ENPP6: variants seen among roughly 807,000 people sequenced by gnomAD.
The protein encoded by ENPP6 is ectonucleotide pyrophosphatase/phosphodiesterase 6.
A neutral mutation model predicts 42.0 loss-of-function variants in ENPP6; 32 were observed. The ratio of observed to expected loss-of-function variants is 0.76; its 90% CI spans 0.58 to 1.02. ENPP6 has a LOEUF of 1.02. Among genes scored for constraint, ENPP6 ranks in the 50% least tolerant of loss-of-function variants. ENPP6 has a pLI of 0.00. For synonymous variants in ENPP6, 213 were observed against 216.0 expected (o/e 0.99, Z 0.12); for missense variants, 552 against 566.8 (o/e 0.97, Z 0.27).
Position 184,110,271 on chromosome 4 carries a change from C to T in ENPP6, c.993+2401G>A, listed in dbSNP as rs78907915. Among the ~76,000 whole-genome samples the T allele has an allele frequency of 0.012, 1,765 of 152,252 alleles. 79 individuals carry two copies. In the East Asian group the frequency reaches 0.15, roughly 13 times the overall value. On this transcript the variant is annotated intron_variant, in intron 6 of 7. Coordinates refer to ENST00000296741, the MANE Select transcript of ENPP6 (RefSeq NM_153343.4). The stretch of plus-strand genomic sequence containing the variant: ...GATTGGGACCCCCTGGTCTGCACTT[C>T]AGCACAACTTCAGATCTCAGAACCA...
intron 1 of ENPP6, among the ~76,000 whole-genome samples, chr4:184,157,339 A>G (rs979915025): frequency 3.3e-5 from 5 of 152,206 alleles, no homozygotes; most frequent in Admixed American, 2.6e-4. Flanking sequence ...CGTCTATCAC[A>G]GTGGTTCCTC....
chr4:184,215,441 T>C (rs1733181841), intron 1 of ENPP6, among the ~76,000 whole-genome samples: 1 of 152,136 alleles, frequency 6.6e-6, no homozygotes. Context: ...AAAATAAGTA[T>C]GGGTATTGGG....
intron 2 of ENPP6, among the ~76,000 whole-genome samples, chr4:184,136,943 C>T (rs920962736): frequency 2.6e-5 from 4 of 152,190 alleles, no homozygotes; most frequent in Admixed American, 6.5e-5. Flanking sequence ...CACTATATCC[C>T]GCATGTCTCT....
chr4:184,107,100 G>T (rs377048260), intron 6 of ENPP6, among the ~76,000 whole-genome samples: 35 of 152,268 alleles, frequency 2.3e-4, no homozygotes, highest in African/African-American at 7.7e-4. Context: ...GAGTGGCAGG[G>T]TGACCCACTG....
intron 1 of ENPP6, among the ~76,000 whole-genome samples, chr4:184,157,607 T>A (rs2111081372): frequency 6.7e-6 from 1 of 150,152 alleles, no homozygotes; most frequent in South Asian, 2.1e-4. Context: ...CTTTCCTTCC[T>A]TTTCTCTCTC....
chr4:184,131,520 AT>A (rs58927070), intron 2 of ENPP6, among the ~76,000 whole-genome samples: 85,523 of 136,588 alleles, frequency 0.63, 26,528 homozygotes, highest in Non-Finnish European at 0.67. Flanking sequence ...TGCCCAGCTA[AT>A]TTTTTTTTTT....
chr4:184,106,192 G>A (rs1440009741), intron 6 of ENPP6, among the ~76,000 whole-genome samples: 1 of 152,082 alleles, frequency 6.6e-6, no homozygotes, highest in African/African-American at 2.4e-5. Context: ...ATACCACCAT[G>A]CCCGGTTAAT....
intron 7 of ENPP6, among the ~76,000 whole-genome samples, chr4:184,093,888 A>G (rs956940446): frequency 5.3e-5 from 8 of 152,114 alleles, no homozygotes; most frequent in Non-Finnish European, 8.8e-5. Flanking sequence ...GGATGTGATA[A>G]TTCTACTGCC....
chr4:184,140,466 A>AT (rs1251455945), intron 2 of ENPP6, among the ~76,000 whole-genome samples: 1 of 151,198 alleles, frequency 6.6e-6, no homozygotes, highest in Non-Finnish European at 1.5e-5. Context: ...AGCTGGAGGC[A>AT]TCACACTACC....
chr4:184,131,796 A>AACACACACACACAC (rs140275578), intron 2 of ENPP6, among the ~76,000 whole-genome samples: 129 of 140,656 alleles, frequency 9.2e-4, no homozygotes, highest in South Asian at 2.6e-3. Context: ...GGACCAATAG[A>AACACACACACACAC]ACACACACAC....
chr4:184,193,956 T>C (rs1279794048), intron 1 of ENPP6, among the ~76,000 whole-genome samples: 1 of 152,222 alleles, frequency 6.6e-6, no homozygotes, highest in Non-Finnish European at 1.5e-5. Context: ...TTGCCTTTCC[T>C]TGATTGCTTT....
intron 1 of ENPP6, among the ~76,000 whole-genome samples, chr4:184,198,299 C>G (rs577065929): frequency 3.2e-4 from 49 of 152,336 alleles, no homozygotes; most frequent in African/African-American, 1.0e-3. Flanking sequence ...CACTGGTCCC[C>G]AACGTGGAGA....
chr4:184,091,484 G>C, intron 7 of ENPP6, 102 bp from the exon 8 acceptor site: 1 of 1,087,624 alleles, frequency 9.2e-7, no homozygotes, highest in Non-Finnish European at 1.3e-6. Flanking sequence ...AGGTGACATT[G>C]AGATTAGGGA....
intron 2 of ENPP6, among the ~76,000 whole-genome samples, chr4:184,136,376 G>A (rs953982874): frequency 1.3e-5 from 2 of 151,712 alleles, no homozygotes; most frequent in African/African-American, 2.4e-5. Flanking sequence ...TCCAAAAAAG[G>A]GATTTTTAGT....
intron 6 of ENPP6, among the ~76,000 whole-genome samples, chr4:184,108,618 G>A (rs1039154517): frequency 1.3e-5 from 2 of 152,220 alleles, no homozygotes; most frequent in African/African-American, 4.8e-5. Context: ...TTATATTAAA[G>A]TAGAATCAGA....
chr4:184,133,804 A>T (rs1042265410), intron 2 of ENPP6, among the ~76,000 whole-genome samples: 8 of 151,510 alleles, frequency 5.3e-5, no homozygotes, highest in Non-Finnish European at 1.0e-4. Flanking sequence ...ATTGCTTTTC[A>T]TGTATCTACT....
chr4:184,188,264 G>T (rs192513724), intron 1 of ENPP6, among the ~76,000 whole-genome samples: 2 of 152,122 alleles, frequency 1.3e-5, no homozygotes, highest in South Asian at 4.1e-4. Context: ...TTTCCCAGTC[G>T]TTTCTCTTTA....
chr4:184,100,895 G>A (rs1170386612), intron 6 of ENPP6, among the ~76,000 whole-genome samples: 2 of 152,222 alleles, frequency 1.3e-5, no homozygotes, highest in Non-Finnish European at 2.9e-5. Flanking sequence ...CGGGGCCACA[G>A]AGGTGGAGGG....
At chr4:184,201,985 A>G (rs12647212) in intron 1 of ENPP6, among the ~76,000 whole-genome samples, 68,864 of 151,978 alleles carry the variant, frequency 0.45, 16,515 homozygotes, top group East Asian at 0.76. Flanking sequence ...AATATTCTCT[A>G]CCAGCTGGGT....
Sources: gnomAD v4.1 joint callset for allele counts (sites outside exome capture counted in the v4.1 genomes callset) on GRCh38, gnomAD v4.1.1 for gene constraint, MANE v1.5 for transcripts, NCBI Gene and HGNC (gene_info 2026-07-23, HGNC 2026-07-21) for gene names.